The following NDUFAF6 variants were observed in gnomAD, a reference collection of about 807,000 sequenced individuals.
NDUFAF6 encodes the protein NADH dehydrogenase (ubiquinone) complex I, assembly factor 6.
A neutral mutation model predicts 40.8 loss-of-function variants in NDUFAF6; 45 were observed. The ratio of observed to expected loss-of-function variants is 1.10; its 90% CI spans 0.87 to 1.42. NDUFAF6 has a LOEUF of 1.42. Among genes scored for constraint, NDUFAF6 ranks in the 40% most tolerant of loss-of-function variants. The pLI is 0.00. For synonymous variants in NDUFAF6, 185 were observed against 155.9 expected (o/e 1.19, Z -1.39); for missense variants, 435 against 418.5 (o/e 1.04, Z -0.34).
chr8:94,991,115 C>T lies in NDUFAF6; in HGVS notation c.-84+10142C>T, dbSNP rs10093849. 2.9e-3 allele frequency among the ~76,000 whole-genome samples: 443 copies of T among 152,278 alleles called. 3 individuals carry two copies. The highest frequency in any genetic ancestry group is 0.01 in the African/African-American group (417 of 41,568). ...ACTGTATATACCACACAAAGTAGAT[C>T]ATCTTTCCATCCCCTCCTCCACTGA... On this transcript the variant is annotated intron_variant, in intron 2 of 9. Transcript: ENST00000396111.
chr8:95,036,233 C>G, intron 3 of NDUFAF6: 3 of 1,176,106 alleles, frequency 2.6e-6, no homozygotes, highest in Non-Finnish European at 3.2e-6. Flanking sequence ...TAGAAATATT[C>G]TAAACTATGA....
intron 1 of NDUFAF6, among the ~76,000 whole-genome samples, chr8:94,896,180 C>T (rs557166760): frequency 1.4e-4 from 21 of 151,850 alleles, no homozygotes; most frequent in Non-Finnish European, 2.7e-4. Flanking sequence ...TTCCTCCTCC[C>T]CCTGAGCGCG....
At chr8:94,985,161 T>C (rs1045069009) in intron 2 of NDUFAF6, among the ~76,000 whole-genome samples, 1 of 151,992 alleles carries the variant, frequency 6.6e-6, no homozygotes, top group African/African-American at 2.4e-5. Flanking sequence ...AAAAAGACTC[T>C]ATAGCAAAAA....
At chr8:95,099,976 T>C (rs1385130229), upstream of NDUFAF6, among the ~76,000 whole-genome samples, 1 of 152,228 alleles carries the variant, frequency 6.6e-6, no homozygotes, top group African/African-American at 2.4e-5. Context: ...CAGGTGTGTC[T>C]AGGCTCTTTA....
chr8:95,020,327 C>T (rs575639551), upstream of NDUFAF6, among the ~76,000 whole-genome samples: 2 of 152,244 alleles, frequency 1.3e-5, no homozygotes, highest in African/African-American at 2.4e-5. Flanking sequence ...GACTATTAAA[C>T]GAATAGTGGA....
At position 95,058,300 on chromosome 8, in the gene NDUFAF6, G is replaced by A; in HGVS notation, c.*363G>A. The A allele has an allele frequency of 7.8e-7, 1 of 1,282,894 alleles. No individual in the cohort carries two copies. The highest frequency in any genetic ancestry group is 9.8e-7 in the Non-Finnish European group (1 of 1,018,776). 79.5% of individuals were successfully genotyped at this position (1,282,894 alleles called of 1,614,324 possible). A position where few individuals can be genotyped will look rare whatever the true frequency, so the allele number is the denominator to read the frequency against. On this transcript the variant is annotated 3_prime_UTR_variant, in exon 9 of 9. Coordinates refer to ENST00000396124, the MANE Select transcript of NDUFAF6 (RefSeq NM_152416.4). ...CACCACTGGGGAAGGAAAGGGGAAA[G>A]GGCTCAAGTTATCATAGGGGCTTAC...
chr8:95,058,669 C>A lies in NDUFAF6; in HGVS notation c.*732C>A. 1 of 1,052,490 alleles carries A rather than the reference C, an allele frequency of 9.5e-7. No individual in the cohort carries two copies. The highest frequency in any genetic ancestry group is 1.7e-5 in the African/African-American group (1 of 59,930). 65.2% of individuals were successfully genotyped at this position (1,052,490 alleles called of 1,614,324 possible). A position where few individuals can be genotyped will look rare whatever the true frequency, so the allele number is the denominator to read the frequency against. On this transcript the variant is annotated 3_prime_UTR_variant, in exon 9 of 9. Coordinates refer to ENST00000396124, the MANE Select transcript of NDUFAF6 (RefSeq NM_152416.4). ...AGAAAGTTTGTATAAGTGATATGAA[C>A]GGTATTGTATTGAACATCCATTAAA...
At chr8:94,939,673 C>T (rs1821327497) in intron 1 of NDUFAF6, 1 of 795,498 alleles carries the variant, frequency 1.3e-6, no homozygotes, top group Non-Finnish European at 1.9e-6. Context: ...GCTGGGATTA[C>T]AGGTGTGAGA....
intron 2 of NDUFAF6, among the ~76,000 whole-genome samples, chr8:95,094,248 A>G (rs1809363382): frequency 6.6e-6 from 1 of 152,170 alleles, no homozygotes; most frequent in African/African-American, 2.4e-5. Flanking sequence ...CTGGGATTAT[A>G]GGCGTGAGCC....
At chr8:95,056,057 A>G (rs987851316) in intron 8 of NDUFAF6, among the ~76,000 whole-genome samples, 2 of 152,170 alleles carry the variant, frequency 1.3e-5, no homozygotes, top group African/African-American at 2.4e-5. Context: ...TGAGCTTTAT[A>G]AAAACGGATC....
exon 2 of NDUFAF6, chr8:94,980,928 G>A (rs1563767073): frequency 2.2e-6 from 1 of 456,694 alleles, no homozygotes; most frequent in Non-Finnish European, 4.4e-6. Context: ...ACATGACCCA[G>A]GCCTATGCCA....
At chr8:94,914,916 A>G (rs1819027590) in intron 1 of NDUFAF6, among the ~76,000 whole-genome samples, 1 of 151,744 alleles carries the variant, frequency 6.6e-6, no homozygotes, top group Admixed American at 6.6e-5. Flanking sequence ...ATGTTTTATT[A>G]TTGCTATTTA....
intron 1 of NDUFAF6, among the ~76,000 whole-genome samples, chr8:94,914,506 C>A (rs1271223109): frequency 2.0e-5 from 3 of 152,210 alleles, no homozygotes; most frequent in Non-Finnish European, 2.9e-5. Context: ...AATAGTGGCA[C>A]ACCCCAGAAT....
intron 2 of NDUFAF6, among the ~76,000 whole-genome samples, chr8:95,014,367 T>C (rs1458355457): frequency 2.0e-5 from 3 of 152,186 alleles, no homozygotes; most frequent in African/African-American, 7.2e-5. Flanking sequence ...GGGAGAATGC[T>C]TGGCATGTGT....
intron 2 of NDUFAF6, 109 bp from the exon 3 acceptor site, chr8:95,035,345 A>T: frequency 8.9e-7 from 1 of 1,125,072 alleles, no homozygotes; most frequent in South Asian, 1.3e-5. Flanking sequence ...ATTTATCACC[A>T]TAGTCATAAT....
At chr8:94,947,282 AT>A (rs1272993156) in intron 2 of NDUFAF6, among the ~76,000 whole-genome samples, 21 of 58,004 alleles carry the variant, frequency 3.6e-4, no homozygotes, top group Non-Finnish European at 9.9e-4. Flanking sequence ...TCCAAAAAAT[AT>A]TAAAAAAAAA....
At chr8:94,912,130 A>G (rs1221882077) in intron 1 of NDUFAF6, among the ~76,000 whole-genome samples, 1 of 152,226 alleles carries the variant, frequency 6.6e-6, no homozygotes, top group Non-Finnish European at 1.5e-5. Context: ...CCAGAATTTA[A>G]CAGTGGTCTC....
chr8:95,024,740 T>C (rs1382451753), upstream of NDUFAF6, among the ~76,000 whole-genome samples: 1 of 152,174 alleles, frequency 6.6e-6, no homozygotes, highest in Non-Finnish European at 1.5e-5. Flanking sequence ...GTAGGTGCTC[T>C]GAGGTCGCCT....
intron 1 of NDUFAF6, among the ~76,000 whole-genome samples, chr8:94,972,717 C>T (rs533677510): frequency 7.2e-6 from 1 of 138,808 alleles, no homozygotes; most frequent in African/African-American, 2.7e-5. Context: ...GTAGCAAGAC[C>T]CTGTCTCTAC....
Sources: allele counts gnomAD v4.1 joint callset (sites outside exome capture counted in the v4.1 genomes callset), GRCh38; gene constraint gnomAD v4.1.1; transcripts MANE v1.5; gene names NCBI Gene and HGNC (gene_info 2026-07-23, HGNC 2026-07-21).